Variants in SOX6 observed in about 807,000 individuals in gnomAD.
SOX6 encodes SRY-box transcription factor 6, also known as transcription factor SOX-6.
A neutral mutation model predicts 97.8 loss-of-function variants in SOX6; 11 were observed. That is an observed-to-expected ratio of 0.11 (90% CI 0.07 to 0.19). The LOEUF is 0.19. Ranked by LOEUF, SOX6 falls within the 10% of genes least tolerant of loss-of-function variation. The pLI is 1.00. For missense variants in SOX6, 810 were observed against 1,039.5 expected (o/e 0.78, Z 3.04); for synonymous variants, 360 against 371.4 (o/e 0.97, Z 0.35).
intron 1 of SOX6, among the ~76,000 whole-genome samples, chr11:16,390,269 C>T (rs1027156352): frequency 6.6e-6 from 1 of 150,932 alleles, no homozygotes; most frequent in Non-Finnish European, 1.5e-5. Flanking sequence ...AAAAATGCTG[C>T]TTTTTTTGCA....
intron 4 of SOX6, among the ~76,000 whole-genome samples, chr11:16,535,324 C>T (rs774972447): frequency 6.6e-6 from 1 of 152,168 alleles, no homozygotes; most frequent in Non-Finnish European, 1.5e-5. Context: ...TACCTATGCC[C>T]CAAAAATCAA....
At chr11:16,187,146 T>G (rs560409868) in intron 4 of SOX6, among the ~76,000 whole-genome samples, 191 bp from the exon 5 acceptor site, 1 of 152,250 alleles carries the variant, frequency 6.6e-6, no homozygotes, top group East Asian at 1.9e-4. Flanking sequence ...GGTTCCTCAC[T>G]GTTCCTGCCA....
chr11:16,118,751 T>G (rs905812167), intron 6 of SOX6, among the ~76,000 whole-genome samples: 22 of 152,214 alleles, frequency 1.4e-4, no homozygotes, highest in Admixed American at 1.3e-3. Context: ...TTCATGAAGA[T>G]TATTTAACTT....
intron 4 of SOX6, among the ~76,000 whole-genome samples, chr11:16,579,255 CTTATT>C (rs894895585): frequency 5.9e-5 from 9 of 151,704 alleles, no homozygotes; most frequent in Non-Finnish European, 1.2e-4. Flanking sequence ...AAATGCTCTA[CTTATT>C]TTATTAATTA....
intron 4 of SOX6, among the ~76,000 whole-genome samples, chr11:16,197,524 C>T (rs1163277445): frequency 6.6e-6 from 1 of 152,122 alleles, no homozygotes. Flanking sequence ...GAAAATGGAA[C>T]TGGAAATTTC....
chr11:16,041,454 A>G (rs541848407), intron 12 of SOX6, among the ~76,000 whole-genome samples: 17 of 152,004 alleles, frequency 1.1e-4, no homozygotes, highest in Admixed American at 1.3e-4. Flanking sequence ...TTTTTGAAAC[A>G]TATGGGTGAA....
intron 6 of SOX6, among the ~76,000 whole-genome samples, chr11:16,164,399 G>C (rs1489952647): frequency 6.6e-6 from 1 of 152,186 alleles, no homozygotes; most frequent in Non-Finnish European, 1.5e-5. Context: ...TCCTCCATCA[G>C]AATCAGTGGA....
intron 6 of SOX6, among the ~76,000 whole-genome samples, chr11:16,175,449 G>A (rs984292610): frequency 7.2e-5 from 11 of 152,002 alleles, no homozygotes; most frequent in Middle Eastern, 6.8e-3. Context: ...AGACTACAGC[G>A]CTAACAGGTA....
chr11:16,326,657 T>C (rs1165428799), intron 2 of SOX6, among the ~76,000 whole-genome samples: 1 of 152,194 alleles, frequency 6.6e-6, no homozygotes, highest in African/African-American at 2.4e-5. Flanking sequence ...TTCACCTTAA[T>C]CCAAGAATTA....
chr11:16,519,263 T>A (rs1861019193), intron 4 of SOX6, among the ~76,000 whole-genome samples: 1 of 152,136 alleles, frequency 6.6e-6, no homozygotes, highest in Non-Finnish European at 1.5e-5. Context: ...TATTGCATAA[T>A]GGTGACGTTT....
intron 1 of SOX6, among the ~76,000 whole-genome samples, chr11:16,443,660 A>C (rs941814280): frequency 3.9e-5 from 6 of 152,124 alleles, no homozygotes; most frequent in African/African-American, 7.2e-5. Context: ...TGATGTACAA[A>C]TGATCTTGCT....
At chr11:16,477,876 C>T (rs543509367), upstream of SOX6, among the ~76,000 whole-genome samples, 1 of 152,266 alleles carries the variant, frequency 6.6e-6, no homozygotes, top group South Asian at 2.1e-4. Context: ...CCTACTTCCA[C>T]AGTGCAAGAA....
intron 1 of SOX6, among the ~76,000 whole-genome samples, chr11:16,363,069 G>A (rs1042598346): frequency 6.6e-6 from 1 of 152,110 alleles, no homozygotes; most frequent in Non-Finnish European, 1.5e-5. Flanking sequence ...TGAGGATAAA[G>A]CAGTGAACAA....
chr11:16,042,469 C>T (rs1185474487), intron 12 of SOX6, among the ~76,000 whole-genome samples: 1 of 152,088 alleles, frequency 6.6e-6, no homozygotes, highest in Admixed American at 6.6e-5. Context: ...TTTATTTCAT[C>T]AAAGCTTTGA....
intron 4 of SOX6, among the ~76,000 whole-genome samples, chr11:16,586,315 G>A (rs1426820160): frequency 6.6e-6 from 1 of 152,074 alleles, no homozygotes. Flanking sequence ...AATAAGAGGT[G>A]GGGAGAAATT....
intron 3 of SOX6, among the ~76,000 whole-genome samples, chr11:16,305,442 C>T (rs754178057): frequency 3.4e-4 from 51 of 152,176 alleles, no homozygotes; most frequent in Non-Finnish European, 7.1e-4. Context: ...TGCTGGATCA[C>T]TCATACATTG....
chr11:16,014,041 A>C (rs1307778199), intron 13 of SOX6, among the ~76,000 whole-genome samples: 1 of 152,070 alleles, frequency 6.6e-6, no homozygotes, highest in Non-Finnish European at 1.5e-5. Flanking sequence ...TCCGAAGAGA[A>C]CAAATTAATC....
intron 1 of SOX6, among the ~76,000 whole-genome samples, chr11:16,737,849 A>C (rs1051548036): frequency 1.3e-5 from 2 of 152,190 alleles, no homozygotes; most frequent in Admixed American, 6.5e-5. Flanking sequence ...TGGATTGTAC[A>C]CTTTTTAAAA....
chr11:16,655,060 G>A (rs749183114), intron 3 of SOX6, among the ~76,000 whole-genome samples: 1 of 152,146 alleles, frequency 6.6e-6, no homozygotes, highest in African/African-American at 2.4e-5. Flanking sequence ...GAGAAGGAAA[G>A]GAATTTTCTA....
Sources: gnomAD v4.1 joint callset for allele counts (sites outside exome capture counted in the v4.1 genomes callset) on GRCh38, gnomAD v4.1.1 for gene constraint, MANE v1.5 for transcripts, NCBI Gene and HGNC (gene_info 2026-07-23, HGNC 2026-07-21) for gene names.